B4GALNT2: variants seen among roughly 807,000 people sequenced by gnomAD.
B4GALNT2 encodes N-acetylneuraminylgalactosylglucosyl-glucoside beta-1,4-N- acetylgalactosaminyltransferase 2.
In B4GALNT2, 42 loss-of-function variants were observed where a neutral mutation model predicts 51.1. That is an observed-to-expected ratio of 0.82 (90% CI 0.64 to 1.06). B4GALNT2 has a LOEUF of 1.06. Among genes scored for constraint, B4GALNT2 ranks in the 50% least tolerant of loss-of-function variants. The probability of loss-of-function intolerance (pLI) is 0.00; values close to 1 mark genes in which losing one functional copy is unlikely to be tolerated. For missense variants in B4GALNT2, 602 were observed against 633.6 expected, an observed-to-expected ratio of 0.95 and a Z score of 0.54; for synonymous variants, 253 against 251.7, an observed-to-expected ratio of 1.01 and a Z score of -0.05.
In B4GALNT2 at chr17:49,164,182, C is replaced by T. The variant is rs147293528; in HGVS notation, c.861C>T (p.Tyr287=). The change falls in exon 8 of 11, where the codon TAC becomes TAT. Residue 287 remains tyrosine, a synonymous_variant. Transcript: ENST00000393354. ...MIMLRSIREY[Y]PDLTVIVADD... The stretch of plus-strand genomic sequence containing the variant: ...TGCTCCGGAGTATTCGAGAGTATTA[C>T]CCAGACTTGACCGTAATAGTGGCTG... The T allele has an allele frequency of 1.1e-4, 178 of 1,613,814 alleles. 1 individual carries two copies. The African/African-American group carries it at 2.1e-3, about 19-fold the overall frequency.
At chr17:49,144,341 C>A (rs1441676952) in intron 3 of B4GALNT2, among the ~76,000 whole-genome samples, 7 of 152,178 alleles carry the variant, frequency 4.6e-5, no homozygotes, top group African/African-American at 1.7e-4. Context: ...AAATTACATG[C>A]AAGTGGAAGG....
intron 3 of B4GALNT2, among the ~76,000 whole-genome samples, chr17:49,144,395 T>C (rs2042673374): frequency 6.6e-6 from 1 of 152,122 alleles, no homozygotes; most frequent in Non-Finnish European, 1.5e-5. Flanking sequence ...TCAGGAGGTG[T>C]TGAAAGCTGG....
chr17:49,142,885 T>C (rs1258543759), intron 3 of B4GALNT2, among the ~76,000 whole-genome samples: 2 of 152,010 alleles, frequency 1.3e-5, no homozygotes, highest in East Asian at 3.9e-4. Context: ...ATGCAAGGAG[T>C]GTATCCCTTT....
chr17:49,156,668 G>A, intron 5 of B4GALNT2, 65 bp downstream of exon 5: 1 of 1,559,606 alleles, frequency 6.4e-7, no homozygotes, highest in Non-Finnish European at 8.8e-7. Context: ...AACTGTGGCT[G>A]CTCTCAGCCT....
At chr17:49,152,703 T>C (rs1431948413) in intron 3 of B4GALNT2, 97 bp from the exon 4 acceptor site, 9 of 817,056 alleles carry the variant, frequency 1.1e-5, no homozygotes, top group African/African-American at 1.8e-5. Flanking sequence ...TTTCTCCATA[T>C]TGTCAGGGCA....
chr17:49,169,473 A>G (rs2042940895), intron 10 of B4GALNT2, 50 bp from the exon 11 acceptor site: 1 of 1,563,386 alleles, frequency 6.4e-7, no homozygotes, highest in South Asian at 1.1e-5. Context: ...AATAGTGCCC[A>G]CTTTTCTGAC....
chr17:49,135,270 C>G (rs1475895468), intron 1 of B4GALNT2, among the ~76,000 whole-genome samples: 1 of 152,102 alleles, frequency 6.6e-6, no homozygotes, highest in Non-Finnish European at 1.5e-5. Context: ...TTTGCTTATT[C>G]CTGAATTGGT....
At chr17:49,132,668 C>T, upstream of B4GALNT2, 1 of 1,197,736 alleles carries the variant, frequency 8.3e-7, no homozygotes, top group Non-Finnish European at 1.1e-6. Context: ...CGGGGGCCGT[C>T]CCAAGCGTCC....
intron 1 of B4GALNT2, among the ~76,000 whole-genome samples, chr17:49,136,069 C>G (rs908035433): frequency 4.3e-5 from 6 of 139,618 alleles, no homozygotes; most frequent in Admixed American, 7.7e-5. Context: ...GGCAACAGAG[C>G]GAGACTCTGG....
At chr17:49,139,195 A>G (rs2042617163) in intron 1 of B4GALNT2, among the ~76,000 whole-genome samples, 1 of 151,040 alleles carries the variant, frequency 6.6e-6, no homozygotes, top group South Asian at 2.1e-4. Flanking sequence ...ATCTTACTGC[A>G]TTGATTAGCA....
In B4GALNT2 at chr17:49,174,886, G is replaced by C. The variant is rs1296481085; in HGVS notation, c.*5158G>C. On this transcript the variant is annotated 3_prime_UTR_variant, in exon 11 of 11. Transcript: ENST00000393354. ...AAATTTTTTCCTAGTCCCATACCAG[G>C]GACATACCCCATTTCATGCACCATA... 6.6e-6 allele frequency: 1 copy of C among 152,010 alleles called. No homozygotes were observed. The highest frequency in any genetic ancestry group is 1.5e-5 in the Non-Finnish European group (1 of 67,992). The allele number at this position is 152,010 out of a possible 1,614,324, so 9.4% of individuals were successfully genotyped here. A position where few individuals can be genotyped will look rare whatever the true frequency, so the allele number is the denominator to read the frequency against.
At chr17:49,126,509 A>C in the B4GALNT2 span, among the ~76,000 whole-genome samples, 285 of 151,134 alleles carry the variant, frequency 1.9e-3, 7 homozygotes, top group Non-Finnish European at 2.8e-3. Context: ...AAAAAAAAAA[A>C]AAACAAACTC....
chr17:49,125,928 G>A, the B4GALNT2 span, among the ~76,000 whole-genome samples: 4 of 146,134 alleles, frequency 2.7e-5, no homozygotes, highest in Non-Finnish European at 4.5e-5. Flanking sequence ...GGTGAGGGGT[G>A]CCTCTGCCCG....
chr17:49,138,926 C>A (rs1048871858), intron 1 of B4GALNT2, among the ~76,000 whole-genome samples: 11 of 152,086 alleles, frequency 7.2e-5, no homozygotes, highest in Admixed American at 6.6e-5. Flanking sequence ...AATAAAACTT[C>A]TCTTGTTATG....
At chr17:49,166,988 AC>A (rs1031214010) in intron 9 of B4GALNT2, among the ~76,000 whole-genome samples, 1 of 152,092 alleles carries the variant, frequency 6.6e-6, no homozygotes, top group African/African-American at 2.4e-5. Flanking sequence ...AATAATAAAA[AC>A]ATCAAAAGTA....
intron 3 of B4GALNT2, among the ~76,000 whole-genome samples, chr17:49,143,897 C>G (rs758048744): frequency 4.6e-5 from 7 of 152,158 alleles, no homozygotes; most frequent in Non-Finnish European, 8.8e-5. Context: ...CCTGTAATTT[C>G]AGCACTTTGG....
At chr17:49,144,662 G>A (rs556723104) in intron 3 of B4GALNT2, among the ~76,000 whole-genome samples, 4 of 152,282 alleles carry the variant, frequency 2.6e-5, no homozygotes, top group African/African-American at 9.6e-5. Context: ...CACTTTGGGA[G>A]GCCAAGACAG....
In B4GALNT2 at chr17:49,172,001, G is replaced by A. The variant is rs557260948; in HGVS notation, c.*2273G>A. On this transcript the variant is annotated 3_prime_UTR_variant, in exon 11 of 11. Transcript: ENST00000393354. Reference sequence around the variant, plus strand: ...CAAGATTGATAAATATGCCCAATAAGTATAACTGTTCTCTGTGTTGTTCCT... The same window carrying A: ...CAAGATTGATAAATATGCCCAATAAATATAACTGTTCTCTGTGTTGTTCCT... 3.7e-6 allele frequency: 1 copy of A among 266,884 alleles called. No individual in the cohort carries two copies. The highest frequency in any genetic ancestry group is 5.0e-5 in the Admixed American group (1 of 19,978). The allele number at this position is 266,884 out of a possible 1,614,324, so 16.5% of individuals were successfully genotyped here.
At chr17:49,143,188 G>A (rs1477939210) in intron 3 of B4GALNT2, among the ~76,000 whole-genome samples, 1 of 152,112 alleles carries the variant, frequency 6.6e-6, no homozygotes, top group East Asian at 1.9e-4. Flanking sequence ...GGTGGAGGTT[G>A]TAGTGAGCTG....
Sources: gnomAD v4.1 joint callset for allele counts (sites outside exome capture counted in the v4.1 genomes callset) on GRCh38, gnomAD v4.1.1 for gene constraint, MANE v1.5 for transcripts, NCBI Gene and HGNC (gene_info 2026-07-23, HGNC 2026-07-21) for gene names.